The following NRG3 variants were observed in gnomAD, a reference collection of about 807,000 sequenced individuals.
NRG3 encodes neuregulin 3, also known as pro-neuregulin-3, membrane-bound isoform.
In NRG3, 31 loss-of-function variants were observed where a neutral mutation model predicts 66.9. That is an observed-to-expected ratio of 0.46 (90% CI 0.35 to 0.63). The LOEUF is 0.63. Among genes scored for constraint, NRG3 ranks in the 20% least tolerant of loss-of-function variants. The probability of loss-of-function intolerance (pLI) is 0.00; values close to 1 mark genes in which losing one functional copy is unlikely to be tolerated. For missense variants in NRG3, 910 were observed against 878.9 expected, an observed-to-expected ratio of 1.04 and a Z score of -0.45; for synonymous variants, 393 against 359.4, an observed-to-expected ratio of 1.09 and a Z score of -1.06.
intron 3 of NRG3, among the ~76,000 whole-genome samples, chr10:82,815,155 T>A (rs1307865711): frequency 6.6e-6 from 1 of 152,190 alleles, no homozygotes; most frequent in Admixed American, 6.5e-5. Flanking sequence ...AGGAAATAAT[T>A]TTTTAAAATT....
At chr10:82,879,818 A>G (rs1207471360) in intron 4 of NRG3, among the ~76,000 whole-genome samples, 1 of 152,094 alleles carries the variant, frequency 6.6e-6, no homozygotes, top group Non-Finnish European at 1.5e-5. Context: ...TTCACTTAGT[A>G]GTACTGAGGG....
At chr10:82,389,535 G>A (rs901204857) in intron 2 of NRG3, among the ~76,000 whole-genome samples, 2 of 151,994 alleles carry the variant, frequency 1.3e-5, no homozygotes, top group South Asian at 2.1e-4. Flanking sequence ...TATTTTCAAC[G>A]GCCAGCTAGC....
In NRG3 at chr10:82,435,783, T is replaced by TC. The variant is rs534955447; in HGVS notation, c.953+76915_953+76916insC. 4.3e-3 allele frequency among the ~76,000 whole-genome samples: 621 copies of TC among 143,236 alleles called. 2 individuals carry two copies. The highest frequency in any genetic ancestry group is 0.016 in the African/African-American group (604 of 38,094). The allele number at this position is 143,236 out of a possible 152,430, so 94.0% of individuals were successfully genotyped here. On this transcript the variant is annotated intron_variant, in intron 2 of 8. Transcript: ENST00000372141. The stretch of plus-strand genomic sequence containing the variant: ...TGAGTGAGTTTCTTTTCTTTTCTTT[T>TC]TTTTTTTTTTTTTTTTGAGATGGAG...
chr10:82,243,964 T>G (rs1352449923), intron 1 of NRG3, among the ~76,000 whole-genome samples: 1 of 152,124 alleles, frequency 6.6e-6, no homozygotes, highest in Admixed American at 6.6e-5. Flanking sequence ...TTAGACTAAT[T>G]TTTTTAAATG....
At chr10:82,269,005 T>A (rs1301339785) in intron 1 of NRG3, among the ~76,000 whole-genome samples, 1 of 152,142 alleles carries the variant, frequency 6.6e-6, no homozygotes, top group Non-Finnish European at 1.5e-5. Flanking sequence ...AAACATTGTC[T>A]GTATTCACCG....
chr10:82,361,496 T>G (rs1451776520), intron 2 of NRG3, among the ~76,000 whole-genome samples: 2 of 152,202 alleles, frequency 1.3e-5, no homozygotes, highest in Non-Finnish European at 2.9e-5. Flanking sequence ...AAAATTCCAA[T>G]GTAGTTATTA....
intron 1 of NRG3, among the ~76,000 whole-genome samples, chr10:81,980,958 CCTCTTG>C (rs1354387630): frequency 6.6e-6 from 1 of 150,716 alleles, no homozygotes; most frequent in Non-Finnish European, 1.5e-5. Flanking sequence ...AAGTTAATCA[CCTCTTG>C]CTCTTGCTCT....
At chr10:82,827,017 G>A (rs189683768) in intron 3 of NRG3, among the ~76,000 whole-genome samples, 3 of 152,022 alleles carry the variant, frequency 2.0e-5, no homozygotes, top group Admixed American at 2.0e-4. Flanking sequence ...TTGTTTGTCA[G>A]TATATAATAA....
chr10:82,331,249 G>A (rs1436558454), intron 1 of NRG3, among the ~76,000 whole-genome samples: 2 of 151,998 alleles, frequency 1.3e-5, no homozygotes, highest in Non-Finnish European at 2.9e-5. Flanking sequence ...TTCTTGGTCT[G>A]GCACTCGTGC....
intron 2 of NRG3, among the ~76,000 whole-genome samples, chr10:82,551,320 A>G (rs1298597057): frequency 6.6e-6 from 1 of 152,116 alleles, no homozygotes; most frequent in Non-Finnish European, 1.5e-5. Flanking sequence ...TGTTACATAC[A>G]CTTTGTATTT....
intron 1 of NRG3, among the ~76,000 whole-genome samples, chr10:82,142,699 G>T (rs1358428760): frequency 1.3e-5 from 2 of 151,308 alleles, no homozygotes; most frequent in African/African-American, 4.9e-5. Context: ...AGAGCTGGGG[G>T]ATGTCCTAGT....
chr10:82,080,506 A>G (rs2065331623), intron 1 of NRG3, among the ~76,000 whole-genome samples: 1 of 152,066 alleles, frequency 6.6e-6, no homozygotes, highest in Non-Finnish European at 1.5e-5. Context: ...ACCCTTCTGC[A>G]GCTGGTCCTC....
intron 3 of NRG3, among the ~76,000 whole-genome samples, chr10:82,789,541 C>A (rs1267660718): frequency 6.6e-6 from 1 of 151,968 alleles, no homozygotes; most frequent in Non-Finnish European, 1.5e-5. Flanking sequence ...ATTTTTCTAT[C>A]CTTTTACCTT....
chr10:82,266,586 A>G (rs904475942), intron 1 of NRG3, among the ~76,000 whole-genome samples: 18 of 152,144 alleles, frequency 1.2e-4, no homozygotes, highest in African/African-American at 4.1e-4. Context: ...TCTCATTACT[A>G]AAGGTAGACA....
chr10:81,885,247 A>G (rs1488777240), intron 1 of NRG3, among the ~76,000 whole-genome samples: 6 of 152,198 alleles, frequency 3.9e-5, no homozygotes, highest in African/African-American at 1.4e-4. Context: ...ACTTTTGGTT[A>G]CAATAGTGAC....
chr10:82,320,765 C>T (rs2081528355), intron 1 of NRG3, among the ~76,000 whole-genome samples: 1 of 152,082 alleles, frequency 6.6e-6, no homozygotes, highest in Non-Finnish European at 1.5e-5. Flanking sequence ...AGTCCCCAAC[C>T]CCAAGCCTAG....
chr10:82,362,050 A>G lies in NRG3; in HGVS notation c.953+3182A>G, dbSNP rs2084173730. ...ACGATAAGAACACAATTACCAAACTATTCGTGATAGAAATCCTGAAAGTAC... is the reference window on the plus strand; with the variant it reads ...ACGATAAGAACACAATTACCAAACTGTTCGTGATAGAAATCCTGAAAGTAC... On this transcript the variant is annotated intron_variant, in intron 2 of 8. Coordinates refer to ENST00000372141, the MANE Select transcript of NRG3 (RefSeq NM_001010848.4). Among the ~76,000 whole-genome samples, 3 of 138,524 alleles carry G rather than the reference A, an allele frequency of 2.2e-5. No homozygotes were observed. In the South Asian group the frequency reaches 8.0e-4, roughly 37 times the overall value. 90.9% of individuals were successfully genotyped at this position (138,524 alleles called of 152,430 possible).
chr10:82,065,232 A>G (rs2064385758), intron 1 of NRG3, among the ~76,000 whole-genome samples: 1 of 152,186 alleles, frequency 6.6e-6, no homozygotes, highest in African/African-American at 2.4e-5. Flanking sequence ...ATCTATTAAT[A>G]GCAAGCACAA....
At chr10:82,096,690 T>C (rs987937599) in intron 1 of NRG3, among the ~76,000 whole-genome samples, 1 of 151,806 alleles carries the variant, frequency 6.6e-6, no homozygotes, top group Non-Finnish European at 1.5e-5. Flanking sequence ...TAACTGAAAA[T>C]TGACTTATTG....
Sources: gnomAD v4.1 joint callset for allele counts (sites outside exome capture counted in the v4.1 genomes callset) on GRCh38, gnomAD v4.1.1 for gene constraint, MANE v1.5 for transcripts, NCBI Gene and HGNC (gene_info 2026-07-23, HGNC 2026-07-21) for gene names.